The following UNC13C variants were observed in gnomAD, a reference collection of about 807,000 sequenced individuals.
The protein encoded by UNC13C is protein unc-13 homolog C.
In UNC13C, 174 loss-of-function variants were observed where a neutral mutation model predicts 245.4. That is an observed-to-expected ratio of 0.71 (90% CI 0.63 to 0.80). The LOEUF (loss-of-function observed/expected upper bound fraction) is 0.80. Ranked by LOEUF, UNC13C falls within the 30% of genes least tolerant of loss-of-function variation. The pLI is 0.00. For synonymous variants in UNC13C, 992 were observed against 895.1 expected (o/e 1.11, Z -1.93); for missense variants, 2,829 against 2,602.9 (o/e 1.09, Z -1.89).
In UNC13C at chr15:54,169,797, G is replaced by C. The variant is rs117845622; in HGVS notation, c.3071+26113G>C. On this transcript the variant is annotated intron_variant, in intron 4 of 32. Coordinates refer to ENST00000260323, the MANE Select transcript of UNC13C (RefSeq NM_001080534.3). Reference sequence around the variant, plus strand: ...CTCTGCTAAGGGGACCTTCTTCCAAGAAACTTTCCCTGGCTCTATAGTTTA... The same window carrying C: ...CTCTGCTAAGGGGACCTTCTTCCAACAAACTTTCCCTGGCTCTATAGTTTA... Among the ~76,000 whole-genome samples the C allele has an allele frequency of 4.6e-4, 70 of 152,164 alleles. No individual in the cohort carries two copies. In the East Asian group the frequency reaches 0.013, roughly 28 times the overall value.
chr15:54,265,554 A>T, intron 10 of UNC13C, 58 bp downstream of exon 10: 2 of 1,285,178 alleles, frequency 1.6e-6, no homozygotes, highest in Non-Finnish European at 2.1e-6. Flanking sequence ...TGAATTTAAG[A>T]CAGGCATACA....
chr15:54,098,409 A>C (rs1328303354), intron 2 of UNC13C, among the ~76,000 whole-genome samples: 1 of 152,108 alleles, frequency 6.6e-6, no homozygotes. Context: ...TCCTGACCCC[A>C]GGTGATCCGC....
chr15:54,211,104 G>A (rs868022528), intron 4 of UNC13C, among the ~76,000 whole-genome samples: 4 of 152,132 alleles, frequency 2.6e-5, no homozygotes, highest in Non-Finnish European at 5.9e-5. Flanking sequence ...CTCAGTGAAT[G>A]CTGAAGTAAA....
intron 17 of UNC13C, among the ~76,000 whole-genome samples, chr15:54,354,244 T>G (rs1054007678): frequency 2.6e-5 from 4 of 152,240 alleles, no homozygotes; most frequent in African/African-American, 9.6e-5. Flanking sequence ...AGAATGTTTG[T>G]GAATCATCTT....
intron 7 of UNC13C, 125 bp from the exon 8 acceptor site, chr15:54,250,100 A>T: frequency 1.2e-6 from 1 of 842,068 alleles, no homozygotes; most frequent in Non-Finnish European, 1.9e-6. Context: ...GACTTGAATC[A>T]GTGATCCAGG....
intron 10 of UNC13C, among the ~76,000 whole-genome samples, chr15:54,269,720 C>T (rs974658967): frequency 7.2e-5 from 11 of 152,012 alleles, no homozygotes; most frequent in African/African-American, 1.4e-4. Flanking sequence ...AAGTACACAC[C>T]GGAATGGACC....
chr15:54,083,225 G>C (rs1489593807), intron 2 of UNC13C, among the ~76,000 whole-genome samples: 1 of 152,118 alleles, frequency 6.6e-6, no homozygotes, highest in Non-Finnish European at 1.5e-5. Flanking sequence ...CTGTTGCAGG[G>C]CTCAAAACCT....
chr15:54,490,658 CTT>C (rs112020160), intron 19 of UNC13C, among the ~76,000 whole-genome samples: 21 of 141,932 alleles, frequency 1.5e-4, no homozygotes, highest in Admixed American at 4.3e-4. Flanking sequence ...GATTGGGAAA[CTT>C]TTTTTTTTTT....
intron 2 of UNC13C, among the ~76,000 whole-genome samples, chr15:54,031,561 A>G (rs1472672856): frequency 6.6e-6 from 1 of 152,186 alleles, no homozygotes; most frequent in Non-Finnish European, 1.5e-5. Flanking sequence ...GACAATTTGA[A>G]GTTTCTACAT....
intron 17 of UNC13C, among the ~76,000 whole-genome samples, chr15:54,357,942 G>A (rs1326380180): frequency 6.6e-6 from 1 of 151,996 alleles, no homozygotes; most frequent in Non-Finnish European, 1.5e-5. Context: ...AAGCCCAAAA[G>A]CCAGTGAGAC....
chr15:53,969,639 T>C, the UNC13C span, among the ~76,000 whole-genome samples: 7 of 150,616 alleles, frequency 4.6e-5, no homozygotes, highest in Admixed American at 3.3e-4. Flanking sequence ...TGGGCCATGA[T>C]TGTGCTATTG....
chr15:54,095,668 TCA>T (rs1899820026), intron 2 of UNC13C, among the ~76,000 whole-genome samples: 1 of 152,188 alleles, frequency 6.6e-6, no homozygotes, highest in African/African-American at 2.4e-5. Flanking sequence ...CGATTTATAT[TCA>T]CAGTCACTTT....
At chr15:54,003,861 A>C (rs1895013687) in intron 1 of UNC13C, among the ~76,000 whole-genome samples, 3 of 152,022 alleles carry the variant, frequency 2.0e-5, no homozygotes, top group Admixed American at 6.6e-5. Flanking sequence ...AAATACAAAA[A>C]ATTCATTGGC....
At chr15:54,272,709 C>G (rs770103864) in intron 10 of UNC13C, among the ~76,000 whole-genome samples, 2 of 152,094 alleles carry the variant, frequency 1.3e-5, no homozygotes, top group African/African-American at 4.8e-5. Context: ...TGTTCGCTTG[C>G]TAAATGAGAT....
At chr15:53,850,921 G>A in the UNC13C span, among the ~76,000 whole-genome samples, 5 of 148,666 alleles carry the variant, frequency 3.4e-5, no homozygotes, top group East Asian at 9.9e-4. Context: ...CTATTACTAT[G>A]CCTTCCAGTT....
At chr15:54,408,160 A>C (rs908173067) in intron 18 of UNC13C, among the ~76,000 whole-genome samples, 2 of 131,112 alleles carry the variant, frequency 1.5e-5, no homozygotes, top group Non-Finnish European at 3.1e-5. Context: ...AGATGGCGCC[A>C]CTGCACTCCA....
At chr15:54,441,926 A>AT (rs546399204) in intron 19 of UNC13C, among the ~76,000 whole-genome samples, 1 of 151,458 alleles carries the variant, frequency 6.6e-6, no homozygotes, top group South Asian at 2.1e-4. Flanking sequence ...ATTCTTAGGT[A>AT]TTTTTTTGTA....
At chr15:54,191,024 A>G (rs747305470) in intron 4 of UNC13C, among the ~76,000 whole-genome samples, 2 of 152,160 alleles carry the variant, frequency 1.3e-5, no homozygotes, top group South Asian at 2.1e-4. Flanking sequence ...TAGTTCCTCA[A>G]TTTTTTAGTT....
intron 4 of UNC13C, among the ~76,000 whole-genome samples, chr15:54,159,381 A>C (rs1013052761): frequency 1.3e-5 from 2 of 152,250 alleles, no homozygotes; most frequent in Non-Finnish European, 2.9e-5. Context: ...ATACCATTTC[A>C]TTCAAAACCA....
Sources: allele counts gnomAD v4.1 joint callset (sites outside exome capture counted in the v4.1 genomes callset), GRCh38; gene constraint gnomAD v4.1.1; transcripts MANE v1.5; gene names NCBI Gene and HGNC (gene_info 2026-07-23, HGNC 2026-07-21).